Variants in SCN11A observed in about 807,000 individuals in gnomAD.
SCN11A encodes sodium channel protein type 11 subunit alpha.
Under a neutral mutation model 162.2 loss-of-function variants are expected in SCN11A, and 122 were observed. That is an observed-to-expected ratio of 0.75 (90% confidence interval 0.65 to 0.87). SCN11A has a LOEUF of 0.87. Among genes scored for constraint, SCN11A ranks in the 40% least tolerant of loss-of-function variants. The pLI, the probability that SCN11A is intolerant of heterozygous loss-of-function variation, is 0.00. For synonymous variants in SCN11A, 758 were observed against 751.5 expected (o/e 1.01, Z -0.14); for missense variants, 2,015 against 2,181.6 (o/e 0.92, Z 1.52).
intron 2 of SCN11A, among the ~76,000 whole-genome samples, chr3:38,966,519 T>C (rs1212031639): frequency 3.9e-5 from 6 of 152,236 alleles, no homozygotes; most frequent in African/African-American, 9.6e-5. Context: ...TTTGATTTTG[T>C]TGCATGCATA....
chr3:38,858,242 T>C (rs1168163164), intron 28 of SCN11A, among the ~76,000 whole-genome samples: 1 of 151,944 alleles, frequency 6.6e-6, no homozygotes, highest in Non-Finnish European at 1.5e-5. Flanking sequence ...GTAGAATGGA[T>C]ACAAACCAAG....
At chr3:38,979,310 A>G (rs1387791275) in intron 2 of SCN11A, among the ~76,000 whole-genome samples, 1 of 152,204 alleles carries the variant, frequency 6.6e-6, no homozygotes, top group African/African-American at 2.4e-5. Context: ...TTTCTTCCCT[A>G]ATCAACACCT....
At chr3:38,864,620 T>G (rs1575219332) in intron 27 of SCN11A, among the ~76,000 whole-genome samples, 1 of 152,178 alleles carries the variant, frequency 6.6e-6, no homozygotes, top group African/African-American at 2.4e-5. Flanking sequence ...TCCTGAATTT[T>G]AAGCAACTCT....
At chr3:38,847,831 C>A (rs2064701975) in intron 29 of SCN11A, 89 bp from the exon 30 acceptor site, 16 of 723,134 alleles carry the variant, frequency 2.2e-5, no homozygotes, top group Non-Finnish European at 3.1e-5. Context: ...CCTATGGGGG[C>A]CAACTTTTTA....
intron 3 of SCN11A, among the ~76,000 whole-genome samples, chr3:38,959,550 T>C (rs537141306): frequency 6.6e-6 from 1 of 152,238 alleles, no homozygotes; most frequent in East Asian, 1.9e-4. Context: ...TGCCACCTCC[T>C]CATTCACATG....
In SCN11A at chr3:38,885,282, A is replaced by G; in HGVS notation, c.3064+6T>C. ...GTGAACTGGATGCAGAAATACTGCC[A>G]CTTACCTTTGGGCAAACATCTCTCT... On this transcript the variant is annotated splice_donor_region_variant and intron_variant, in intron 21 of 29. Coordinates refer to ENST00000302328, the MANE Select transcript of SCN11A (RefSeq NM_001349253.2). The G allele has an allele frequency of 6.5e-7, 1 of 1,543,894 alleles. No homozygotes were observed. Among genetic ancestry groups the G allele is most frequent in the Non-Finnish European group, 9.0e-7 (1 of 1,115,988 alleles).
chr3:38,909,260 A>C, intron 12 of SCN11A, 66 bp from the exon 13 acceptor site: 140 of 1,491,642 alleles, frequency 9.4e-5, no homozygotes, highest in Non-Finnish European at 1.2e-4. Context: ...CCATCACCTC[A>C]AGCAAAAACC....
intron 2 of SCN11A, among the ~76,000 whole-genome samples, chr3:39,023,647 C>CT (rs201923367): frequency 0.11 from 15,608 of 143,970 alleles, 1,001 homozygotes; most frequent in East Asian, 0.22. Flanking sequence ...CCCCAACTTT[C>CT]TTTTTTTTTT....
At chr3:38,862,465 G>A (rs538714532) in intron 28 of SCN11A, among the ~76,000 whole-genome samples, 4 of 152,008 alleles carry the variant, frequency 2.6e-5, no homozygotes, top group Non-Finnish European at 4.4e-5. Flanking sequence ...AGCACAATTC[G>A]CAACGGCAAA....
intron 23 of SCN11A, among the ~76,000 whole-genome samples, chr3:38,878,355 A>T (rs1377060298): frequency 6.6e-6 from 1 of 151,814 alleles, no homozygotes; most frequent in Admixed American, 6.6e-5. Flanking sequence ...CCTCATTTTT[A>T]CCTGTGAGAA....
Position 38,891,475 on chromosome 3 carries a change from T to C in SCN11A, c.2835+3058A>G, listed in dbSNP as rs552501997. ...GGAACAGAAAAAATACTTAAATAAG[T>C]AATGGCTGAAGACTCCTCAAAATTG... On this transcript the variant is annotated intron_variant, in intron 19 of 29. Coordinates refer to ENST00000302328, the MANE Select transcript of SCN11A (RefSeq NM_001349253.2). 1.1e-3 allele frequency among the ~76,000 whole-genome samples: 166 copies of C among 152,296 alleles called. 2 individuals carry two copies. The highest frequency in any genetic ancestry group is 2.2e-3 in the Non-Finnish European group (153 of 68,014).
intron 2 of SCN11A, among the ~76,000 whole-genome samples, chr3:39,028,807 C>T (rs2031668216): frequency 6.6e-6 from 1 of 152,192 alleles, no homozygotes; most frequent in Admixed American, 6.5e-5. Context: ...GGAGCAAGAA[C>T]TCCCCATCGA....
At chr3:38,890,474 A>T (rs2065481383) in intron 19 of SCN11A, among the ~76,000 whole-genome samples, 1 of 152,250 alleles carries the variant, frequency 6.6e-6, no homozygotes, top group Admixed American at 6.5e-5. Context: ...GCAAGAAACT[A>T]AAACATAGGT....
chr3:39,035,153 G>T (rs1300725002), intron 1 of SCN11A, among the ~76,000 whole-genome samples: 1 of 152,026 alleles, frequency 6.6e-6, no homozygotes, highest in African/African-American at 2.4e-5. Context: ...ATCCTAAGCA[G>T]AAAGAACAAA....
At position 38,847,084 on chromosome 3, in the gene SCN11A, T is replaced by C. The variant is rs374711657; in HGVS notation, c.4986A>G (p.Pro1662=). ...ALPEPLRVAK[P]NKYQFLVMDL... ...CCATTACTAGAAATTGATATTTATT[T>C]GGCTTTGCGACACGCAAAGGCTCAG... Residue 1662 remains proline (P), a synonymous_variant, in exon 30 of 30, where the codon CCA becomes CCG. Coordinates refer to ENST00000302328, the MANE Select transcript of SCN11A (RefSeq NM_001349253.2). The C allele has an allele frequency of 3.1e-6, 5 of 1,614,098 alleles. No homozygotes were observed. Among genetic ancestry groups the C allele is most frequent in the Non-Finnish European group, 4.2e-6 (5 of 1,180,048 alleles).
At chr3:38,964,690 C>T (rs2066770625) in intron 2 of SCN11A, among the ~76,000 whole-genome samples, 1 of 152,164 alleles carries the variant, frequency 6.6e-6, no homozygotes, top group African/African-American at 2.4e-5. Flanking sequence ...CTTGGAGGTA[C>T]AAGCATGTGT....
chr3:39,016,936 A>T (rs898690589), intron 2 of SCN11A, among the ~76,000 whole-genome samples: 14 of 152,170 alleles, frequency 9.2e-5, no homozygotes, highest in African/African-American at 3.4e-4. Flanking sequence ...TTTATTGGTT[A>T]TAAAATTATA....
At chr3:38,998,214 A>G (rs2030702500) in intron 2 of SCN11A, among the ~76,000 whole-genome samples, 1 of 152,246 alleles carries the variant, frequency 6.6e-6, no homozygotes, top group Non-Finnish European at 1.5e-5. Flanking sequence ...ACAAACAGTT[A>G]TCTCTGCAGC....
intron 12 of SCN11A, 30 bp downstream of exon 12, chr3:38,910,036 G>C: frequency 8.7e-6 from 14 of 1,602,648 alleles, no homozygotes; most frequent in Non-Finnish European, 1.2e-5. Flanking sequence ...GGGAGGGAGA[G>C]AGGAAAAAGA....
Sources: gnomAD v4.1 joint callset for allele counts (sites outside exome capture counted in the v4.1 genomes callset) on GRCh38, gnomAD v4.1.1 for gene constraint, MANE v1.5 for transcripts, NCBI Gene and HGNC (gene_info 2026-07-23, HGNC 2026-07-21) for gene names.